Variants in UGT1A8 observed in about 807,000 individuals in gnomAD.
The protein encoded by UGT1A8 is UDP glucuronosyltransferase family 1 member A8.
A neutral mutation model predicts 45.3 loss-of-function variants in UGT1A8; 39 were observed. That is an observed-to-expected ratio of 0.86 (90% CI 0.67 to 1.12). The LOEUF (loss-of-function observed/expected upper bound fraction) is 1.12. Among genes scored for constraint, UGT1A8 ranks in the 50% most tolerant of loss-of-function variants. The probability of loss-of-function intolerance (pLI) is 0.00; values close to 1 mark genes in which losing one functional copy is unlikely to be tolerated. For missense variants in UGT1A8, 719 were observed against 664.9 expected, an observed-to-expected ratio of 1.08 and a Z score of -0.90; for synonymous variants, 275 against 249.2, an observed-to-expected ratio of 1.10 and a Z score of -0.97.
At position 233,725,216 on chromosome 2, in the gene UGT1A8, AGAG is replaced by A. The variant is rs1223079485; in HGVS notation, c.856-41813_856-41811del. ...CAGAGGCAGAGGCAGAGGCAGAGGCAGAGGAGGCAGAGGCAGAGGAGGCAGAGG... is the reference window on the plus strand; with the variant it reads ...CAGAGGCAGAGGCAGAGGCAGAGGCAGAGGCAGAGGCAGAGGAGGCAGAGG... On this transcript the variant is annotated intron_variant, in intron 1 of 4. Transcript: ENST00000373450. 1.2e-3 allele frequency among the ~76,000 whole-genome samples: 54 copies of A among 45,286 alleles called. 21 individuals carry two copies. The highest frequency in any genetic ancestry group is 6.7e-3 in the African/African-American group (53 of 7,866). 29.7% of individuals were successfully genotyped at this position (45,286 alleles called of 152,430 possible). A position where few individuals can be genotyped will look rare whatever the true frequency, so the allele number is the denominator to read the frequency against.
intron 1 of UGT1A8, among the ~76,000 whole-genome samples, chr2:233,619,566 G>A (rs987446621): frequency 1.3e-5 from 2 of 151,972 alleles, no homozygotes; most frequent in Non-Finnish European, 2.9e-5. Context: ...ATTTATTCAG[G>A]TCTTGTTTTA....
At chr2:233,648,403 C>A in intron 1 of UGT1A8, 2 of 239,480 alleles carry the variant, frequency 8.4e-6, no homozygotes, top group Admixed American at 4.1e-5. Flanking sequence ...TTCCTACAGT[C>A]CTAGATATGT....
chr2:233,759,175 A>G (rs970817812), intron 1 of UGT1A8, among the ~76,000 whole-genome samples: 3 of 152,178 alleles, frequency 2.0e-5, no homozygotes, highest in African/African-American at 7.2e-5. Context: ...GGCAGGTTTC[A>G]CGGCAAAAAG....
intron 1 of UGT1A8, chr2:233,637,215 C>T (rs17854828): frequency 0.15 from 234,021 of 1,613,756 alleles, 17,948 homozygotes; most frequent in Non-Finnish European, 0.16. Flanking sequence ...TAGAAATAGC[C>T]TCTGAAATTC....
At chr2:233,743,967 C>T in intron 1 of UGT1A8, 2 of 1,326,686 alleles carry the variant, frequency 1.5e-6, no homozygotes, top group Non-Finnish European at 2.0e-6. Flanking sequence ...AGCGGCAAGG[C>T]TGCCAGCACC....
rs1201935304 is a variant in UGT1A8 at position 233,769,504 on chromosome 2, G to T, written c.1295+1065G>T. ...GCGTGTGTTTATGAGAGTGTCCATT[G>T]CTTTCTCCCATGGTTACCTCCTTTA... On this transcript the variant is annotated intron_variant, in intron 4 of 4. Transcript: ENST00000373450. This position sits in a 1 kb window ranked among gnomAD's most constrained non-coding sequence, Gnocchi z 4.4. The T allele has an allele frequency of 1.2e-6, 2 of 1,612,732 alleles. No homozygotes were observed. The highest frequency in any genetic ancestry group is 1.7e-4 in the Middle Eastern group (1 of 6,058).
intron 1 of UGT1A8, chr2:233,713,463 G>A (rs762349371): frequency 3.5e-5 from 56 of 1,613,940 alleles, no homozygotes; most frequent in Admixed American, 3.0e-4. Context: ...TCACCTCTGC[G>A]CGGCGGTGCT....
rs1265546183 is a variant in UGT1A8, at chr2:233,661,623, T to TTTTCTTTCTTTCTTTATTTC, written c.855+43076_855+43077insATTTCTTTCTTTCTTTCTTT. On this transcript the variant is annotated intron_variant, in intron 1 of 4. Coordinates refer to ENST00000373450, the MANE Select transcript of UGT1A8 (RefSeq NM_019076.5). ...ATCACTGCAGTGAAGACTTACTGAATTTTCTTTCTTTCTTTCTTTCTTTCT... is the reference window on the plus strand; with the variant it reads ...ATCACTGCAGTGAAGACTTACTGAATTTTCTTTCTTTCTTTATTTCTTTCTTTCTTTCTTTCTTTCTTTCT... Among the ~76,000 whole-genome samples, 36 of 124,046 alleles carry TTTTCTTTCTTTCTTTATTTC rather than the reference T, an allele frequency of 2.9e-4. 1 individual carries two copies. Among genetic ancestry groups the TTTTCTTTCTTTCTTTATTTC allele is most frequent in the African/African-American group, 1.1e-3 (35 of 31,332 alleles). 81.4% of individuals were successfully genotyped at this position (124,046 alleles called of 152,430 possible). A position where few individuals can be genotyped will look rare whatever the true frequency, so the allele number is the denominator to read the frequency against.
At chr2:233,647,574 A>G (rs1413940750) in intron 1 of UGT1A8, among the ~76,000 whole-genome samples, 7 of 152,226 alleles carry the variant, frequency 4.6e-5, no homozygotes, top group Admixed American at 3.9e-4. Context: ...AAAGGTACAG[A>G]TTATGTCATT....
At chr2:233,656,389 A>G (rs931579867) in intron 1 of UGT1A8, among the ~76,000 whole-genome samples, 3 of 152,238 alleles carry the variant, frequency 2.0e-5, no homozygotes, top group African/African-American at 7.2e-5. Context: ...GTCCAATGAA[A>G]GCAGTATTTG....
At chr2:233,681,720 G>A (rs2074536062) in intron 1 of UGT1A8, among the ~76,000 whole-genome samples, 1 of 152,092 alleles carries the variant, frequency 6.6e-6, no homozygotes, top group Non-Finnish European at 1.5e-5. Context: ...CAAAGATGAT[G>A]AGTTACTCTT....
chr2:233,730,870 C>G (rs1312023750), intron 1 of UGT1A8, among the ~76,000 whole-genome samples: 2 of 152,146 alleles, frequency 1.3e-5, no homozygotes, highest in Admixed American at 1.3e-4. Context: ...CTACTGCACT[C>G]CAGGTTTCTA....
At chr2:233,754,435 G>T (rs1695484691) in intron 1 of UGT1A8, 21 of 350,618 alleles carry the variant, frequency 6.0e-5, no homozygotes, top group South Asian at 4.7e-4. Context: ...GGCATAAAGT[G>T]TTTATAAATT....
chr2:233,717,564 G>A (rs569646597), intron 1 of UGT1A8, among the ~76,000 whole-genome samples: 3 of 152,318 alleles, frequency 2.0e-5, no homozygotes, highest in African/African-American at 7.2e-5. Context: ...GGCAGACATG[G>A]CCAGGCATGT....
Position 233,671,290 on chromosome 2 carries a change from A to G in UGT1A8, c.855+52728A>G, listed in dbSNP as rs17863775. ...GTATCTTAGGAAAGCCATTTAAAATAGGAGACGGTTACTTTCCATCAAGTC... is the reference window on the plus strand; with the variant it reads ...GTATCTTAGGAAAGCCATTTAAAATGGGAGACGGTTACTTTCCATCAAGTC... On this transcript the variant is annotated intron_variant, in intron 1 of 4. Coordinates refer to ENST00000373450, the MANE Select transcript of UGT1A8 (RefSeq NM_019076.5). 7.5e-3 allele frequency among the ~76,000 whole-genome samples: 1,136 copies of G among 152,340 alleles called. 10 individuals carry two copies. The highest frequency in any genetic ancestry group is 0.011 in the Non-Finnish European group (770 of 68,020).
At chr2:233,690,756 GACAT>G (rs574129066) in intron 1 of UGT1A8, 1,028 of 1,081,026 alleles carry the variant, frequency 9.5e-4, no homozygotes, top group South Asian at 5.0e-3. Flanking sequence ...GTCCAGTGCA[GACAT>G]ACACACACAC....
intron 1 of UGT1A8, chr2:233,748,039 T>C (rs999910080): frequency 2.4e-4 from 393 of 1,613,376 alleles, no homozygotes; most frequent in South Asian, 8.0e-4. Context: ...ATGGTCTTCA[T>C]TGGGGGCATC....
intron 1 of UGT1A8, among the ~76,000 whole-genome samples, chr2:233,720,850 C>A (rs2076896670): frequency 6.6e-6 from 1 of 150,800 alleles, no homozygotes; most frequent in African/African-American, 2.5e-5. Context: ...GGACTGCAGG[C>A]ATGTGCCACT....
At chr2:233,664,428 C>T (rs2074034318) in intron 1 of UGT1A8, among the ~76,000 whole-genome samples, 1 of 152,082 alleles carries the variant, frequency 6.6e-6, no homozygotes, top group South Asian at 2.1e-4. Context: ...CATTACGTTG[C>T]CATAAAGGAA....
Sources: gnomAD v4.1 joint callset for allele counts (sites outside exome capture counted in the v4.1 genomes callset) on GRCh38, gnomAD v4.1.1 for gene constraint, Gnocchi (gnomAD v3.1) non-coding constraint, MANE v1.5 for transcripts, NCBI Gene and HGNC (gene_info 2026-07-23, HGNC 2026-07-21) for gene names.